SOX5: variants seen among roughly 807,000 people sequenced by gnomAD.
The protein encoded by SOX5 is SRY-box transcription factor 5, also known as transcription factor SOX-5.
In SOX5, 9 loss-of-function variants were observed where a neutral mutation model predicts 92.0. That is an observed-to-expected ratio of 0.10 (90% CI 0.06 to 0.17). SOX5 has a LOEUF of 0.17. Ranked by LOEUF, SOX5 falls within the 10% of genes least tolerant of loss-of-function variation. SOX5 has a pLI of 1.00. For synonymous variants in SOX5, 344 were observed against 336.3 expected, an observed-to-expected ratio of 1.02 and a Z score of -0.25; for missense variants, 642 against 944.5, an observed-to-expected ratio of 0.68 and a Z score of 4.20.
At chr12:24,198,537 A>G (rs1409178772) in intron 4 of SOX5, among the ~76,000 whole-genome samples, 1 of 152,224 alleles carries the variant, frequency 6.6e-6, no homozygotes, top group African/African-American at 2.4e-5. Flanking sequence ...TGTCACGTCT[A>G]CTTGCCACTG....
At chr12:24,155,306 C>T (rs1032387877) in intron 4 of SOX5, among the ~76,000 whole-genome samples, 1 of 152,080 alleles carries the variant, frequency 6.6e-6, no homozygotes, top group Non-Finnish European at 1.5e-5. Context: ...ATTGCTAAGA[C>T]AAATGAAAAA....
At chr12:23,755,518 A>T in intron 4 of SOX5, 120 bp downstream of exon 4, 1 of 696,528 alleles carries the variant, frequency 1.4e-6, no homozygotes, top group South Asian at 1.8e-5. Flanking sequence ...AAGAAACCCT[A>T]AACACAGAGA....
At chr12:23,970,841 A>ATATATATATATTTTTTTTTTTTT in intron 4 of SOX5, among the ~76,000 whole-genome samples, 4 of 21,880 alleles carry the variant, frequency 1.8e-4, no homozygotes, top group East Asian at 8.7e-4. Flanking sequence ...TATATATATA[A>ATATATATATATTTTTTTTTTTTT]TTTTTTTTTT....
intron 4 of SOX5, among the ~76,000 whole-genome samples, chr12:24,027,252 T>C (rs1004356651): frequency 6.6e-6 from 1 of 151,936 alleles, no homozygotes; most frequent in African/African-American, 2.4e-5. Context: ...TCTGTGTTAA[T>C]TACTCCAATG....
chr12:23,785,823 C>A (rs183994212), intron 3 of SOX5, among the ~76,000 whole-genome samples: 117 of 152,162 alleles, frequency 7.7e-4, no homozygotes, highest in African/African-American at 2.8e-3. Flanking sequence ...TTTAGTAAGT[C>A]CATCCAAATC....
chr12:24,269,716 G>A (rs531644568), intron 3 of SOX5, among the ~76,000 whole-genome samples: 4 of 141,714 alleles, frequency 2.8e-5, no homozygotes, highest in South Asian at 4.5e-4. Flanking sequence ...TTGAGACAGG[G>A]TCTTGCTTTG....
chr12:23,985,966 GATAAC>G (rs1222060417), intron 4 of SOX5, among the ~76,000 whole-genome samples: 4 of 152,060 alleles, frequency 2.6e-5, no homozygotes, highest in African/African-American at 9.7e-5. Context: ...TCTTTCTCAA[GATAAC>G]AACTCTCTGC....
Position 23,529,629 on chromosome 12 carries a change from A to G in SOX5, c.*4590T>C, listed in dbSNP as rs1205398983. ...GAAAAACAGGTTGGTGGCAACCCAC[A>G]TCTTTTTTTTAAGAGCACATAAACT... On this transcript the variant is annotated 3_prime_UTR_variant, in exon 15 of 15. Coordinates refer to ENST00000451604, the MANE Select transcript of SOX5 (RefSeq NM_006940.6). The G allele has an allele frequency of 6.6e-6, 1 of 152,192 alleles. No individual in the cohort carries two copies. Among genetic ancestry groups the G allele is most frequent in the Non-Finnish European group, 1.5e-5 (1 of 68,020 alleles). 9.4% of individuals were successfully genotyped at this position (152,192 alleles called of 1,614,324 possible).
At chr12:24,150,723 A>C (rs1207736523) in intron 4 of SOX5, among the ~76,000 whole-genome samples, 1 of 152,130 alleles carries the variant, frequency 6.6e-6, no homozygotes, top group Non-Finnish European at 1.5e-5. Context: ...AAATTGTGAA[A>C]AGGAGGAATT....
At chr12:24,492,318 T>C (rs1947175585) in intron 1 of SOX5, among the ~76,000 whole-genome samples, 1 of 152,104 alleles carries the variant, frequency 6.6e-6, no homozygotes, top group Non-Finnish European at 1.5e-5. Context: ...ATTCCCCCAA[T>C]TTAAAGGTCC....
intron 4 of SOX5, among the ~76,000 whole-genome samples, chr12:24,178,916 CA>C (rs907951081): frequency 6.6e-6 from 1 of 152,058 alleles, no homozygotes; most frequent in Non-Finnish European, 1.5e-5. Flanking sequence ...TGACAAGTTC[CA>C]GATAGATAGA....
At chr12:24,219,896 C>T (rs927692783) in intron 3 of SOX5, among the ~76,000 whole-genome samples, 6 of 152,074 alleles carry the variant, frequency 3.9e-5, no homozygotes, top group Non-Finnish European at 5.9e-5. Flanking sequence ...ATAACATGTA[C>T]TTTGGGATCA....
At chr12:23,759,526 C>A (rs749143004) in intron 3 of SOX5, among the ~76,000 whole-genome samples, 2 of 152,056 alleles carry the variant, frequency 1.3e-5, no homozygotes. Context: ...CAATACTCTA[C>A]TAACTGCTAG....
intron 4 of SOX5, among the ~76,000 whole-genome samples, chr12:24,207,710 C>T (rs1375523030): frequency 6.6e-6 from 1 of 152,206 alleles, no homozygotes; most frequent in African/African-American, 2.4e-5. Flanking sequence ...TCTATTTCCA[C>T]TATTCCATGC....
intron 1 of SOX5, among the ~76,000 whole-genome samples, chr12:23,898,919 T>C (rs990721724): frequency 6.6e-6 from 1 of 152,234 alleles, no homozygotes; most frequent in Non-Finnish European, 1.5e-5. Context: ...AATAATAGGC[T>C]ACTAAGTCAG....
At chr12:24,083,141 G>A (rs1254105832) in intron 4 of SOX5, among the ~76,000 whole-genome samples, 2 of 151,894 alleles carry the variant, frequency 1.3e-5, no homozygotes, top group East Asian at 1.9e-4. Flanking sequence ...CTAATCAAAC[G>A]GCTGATAATT....
chr12:23,840,821 T>C (rs1480726989), intron 3 of SOX5, among the ~76,000 whole-genome samples: 2 of 152,130 alleles, frequency 1.3e-5, no homozygotes, highest in Non-Finnish European at 2.9e-5. Flanking sequence ...ACAGAACTAC[T>C]TTTTACAAAA....
At chr12:23,759,032 C>CACACACACAG (rs1555323150) in intron 3 of SOX5, among the ~76,000 whole-genome samples, 10 of 7,460 alleles carry the variant, frequency 1.3e-3, no homozygotes, top group African/African-American at 1.5e-3. Flanking sequence ...CACACACAGA[C>CACACACACAG]ACACACACAC....
intron 4 of SOX5, among the ~76,000 whole-genome samples, chr12:24,032,169 A>G (rs539799367): frequency 2.0e-5 from 3 of 151,854 alleles, no homozygotes; most frequent in Non-Finnish European, 4.4e-5. Flanking sequence ...CTATGGGCAA[A>G]TTATAGTAAT....
Sources: allele counts gnomAD v4.1 joint callset (sites outside exome capture counted in the v4.1 genomes callset), GRCh38; gene constraint gnomAD v4.1.1; transcripts MANE v1.5; gene names NCBI Gene and HGNC (gene_info 2026-07-23, HGNC 2026-07-21).